The following TRERF1 variants were observed in gnomAD, a reference collection of about 807,000 sequenced individuals.
TRERF1 encodes the protein transcriptional-regulating factor 1.
Under a neutral mutation model 122.9 loss-of-function variants are expected in TRERF1, and 27 were observed. The observed-to-expected ratio is 0.22, with a 90% CI of 0.16 to 0.30. TRERF1 has a LOEUF of 0.30. Ranked by LOEUF, TRERF1 falls within the 10% of genes least tolerant of loss-of-function variation. The pLI, the probability that TRERF1 is intolerant of heterozygous loss-of-function variation, is 1.00. For synonymous variants in TRERF1, 636 were observed against 641.7 expected (o/e 0.99, Z 0.13); for missense variants, 1,248 against 1,560.3 (o/e 0.80, Z 3.37).
At chr6:42,225,433 C>T (rs996240452) in exon 18 of TRERF1, 3 of 151,980 alleles carry the variant, frequency 2.0e-5, no homozygotes, top group Admixed American at 6.6e-5. Flanking sequence ...ATACGGTCCT[C>T]TTGTTGCCAA....
chr6:42,289,968 A>G (rs1784018633), intron 4 of TRERF1, among the ~76,000 whole-genome samples: 1 of 152,178 alleles, frequency 6.6e-6, no homozygotes. Context: ...GTTCACATCT[A>G]TGAAGCGTGG....
intron 2 of TRERF1, among the ~76,000 whole-genome samples, chr6:42,400,283 A>G (rs1779198327): frequency 6.6e-6 from 1 of 152,246 alleles, no homozygotes; most frequent in African/African-American, 2.4e-5. Context: ...GTACGGCTCC[A>G]TGTGATACAA....
chr6:42,266,808 C>T (rs573492555), intron 5 of TRERF1, among the ~76,000 whole-genome samples: 3 of 152,274 alleles, frequency 2.0e-5, no homozygotes, highest in Non-Finnish European at 4.4e-5. Flanking sequence ...CAAGATGAAC[C>T]GGCCTGCAGA....
Position 42,259,187 on chromosome 6 carries a change from C to G in TRERF1, c.2269+152G>C. 9.4e-7 allele frequency: 1 copy of G among 1,059,874 alleles called. No individual in the cohort carries two copies. The highest frequency in any genetic ancestry group is 1.6e-5 in the African/African-American group (1 of 61,672). 65.7% of individuals were successfully genotyped at this position (1,059,874 alleles called of 1,614,324 possible). On this transcript the variant is annotated intron_variant, in intron 9 of 17. Coordinates refer to ENST00000372922, the Ensembl canonical transcript of TRERF1. The surrounding 1 kb of genome is among the most constrained non-coding windows in gnomAD (Gnocchi z 4.9). ...CCCTTGAGGATAAGGGCTATGTATTCCAAGTCTTTCTTAACACCCAGCAGC... is the reference window on the plus strand; with the variant it reads ...CCCTTGAGGATAAGGGCTATGTATTGCAAGTCTTTCTTAACACCCAGCAGC...
chr6:42,252,147 C>G (rs1372403150), intron 13 of TRERF1, among the ~76,000 whole-genome samples: 1 of 152,208 alleles, frequency 6.6e-6, no homozygotes, highest in Non-Finnish European at 1.5e-5. Flanking sequence ...CTCTGTGGAT[C>G]CTGTACAGGG....
intron 2 of TRERF1, among the ~76,000 whole-genome samples, chr6:42,394,280 T>C (rs919633149): frequency 6.6e-5 from 10 of 151,824 alleles, no homozygotes; most frequent in South Asian, 2.1e-4. Context: ...CATCCCTCCA[T>C]ACCATCCCCG....
chr6:42,401,598 C>T (rs531028556), intron 2 of TRERF1, among the ~76,000 whole-genome samples: 2 of 152,144 alleles, frequency 1.3e-5, no homozygotes, highest in East Asian at 3.8e-4. Context: ...CTCCATGAGA[C>T]CCCCAGGCCC....
chr6:42,388,076 T>C (rs567608180), intron 2 of TRERF1, among the ~76,000 whole-genome samples: 1 of 152,280 alleles, frequency 6.6e-6, no homozygotes, highest in African/African-American at 2.4e-5. Flanking sequence ...CATAAGCCAC[T>C]GCACCCAGCC....
intron 2 of TRERF1, among the ~76,000 whole-genome samples, chr6:42,406,771 C>T (rs1406765856): frequency 6.6e-6 from 1 of 152,090 alleles, no homozygotes; most frequent in Non-Finnish European, 1.5e-5. Context: ...CACCCCCCTC[C>T]TCCCCAGCCT....
chr6:42,288,198 T>C (rs981955484), intron 4 of TRERF1, among the ~76,000 whole-genome samples: 1 of 152,002 alleles, frequency 6.6e-6, no homozygotes, highest in Non-Finnish European at 1.5e-5. Context: ...GTGTCAGTTA[T>C]ATAGGGCTTG....
At chr6:42,312,812 C>T (rs556424714) in intron 3 of TRERF1, among the ~76,000 whole-genome samples, 2 of 152,288 alleles carry the variant, frequency 1.3e-5, no homozygotes, top group African/African-American at 4.8e-5. Flanking sequence ...CAGAGGCAGC[C>T]CCCACTCTCC....
Position 42,259,783 on chromosome 6 carries a change from C to A in TRERF1, c.1885-60G>T. ...CAGCTTCCCCCGCAGGCCATTTCCA[C>A]AGGTTCAGGGAAGGGGGCCTTCTAC... On this transcript the variant is annotated intron_variant, in intron 8 of 17. Coordinates refer to ENST00000372922, the Ensembl canonical transcript of TRERF1. This position sits in a 1 kb window ranked among gnomAD's most constrained non-coding sequence, Gnocchi z 4.9. 6.3e-7 allele frequency: 1 copy of A among 1,594,698 alleles called. No individual in the cohort carries two copies.
At chr6:42,431,603 G>A (rs1337961858) in intron 2 of TRERF1, among the ~76,000 whole-genome samples, 1 of 152,182 alleles carries the variant, frequency 6.6e-6, no homozygotes, top group Non-Finnish European at 1.5e-5. Flanking sequence ...TGGAGGAAGG[G>A]AGGGAAGAGA....
intron 1 of TRERF1, among the ~76,000 whole-genome samples, 178 bp from the exon 2 acceptor site, chr6:42,451,439 TC>T (rs1327744098): frequency 7.3e-6 from 1 of 136,070 alleles, no homozygotes; most frequent in Non-Finnish European, 1.6e-5. Context: ...AAGAGTGTGC[TC>T]CCCCACCCAG....
intron 4 of TRERF1, among the ~76,000 whole-genome samples, chr6:42,286,763 A>T (rs1783304103): frequency 7.7e-6 from 1 of 129,994 alleles, no homozygotes; most frequent in African/African-American, 2.9e-5. Context: ...AACTGGAAAT[A>T]CCATTTGACC....
At chr6:42,284,231 A>AT (rs34764742) in intron 4 of TRERF1, among the ~76,000 whole-genome samples, 5,158 of 139,624 alleles carry the variant, frequency 0.037, 169 homozygotes, top group East Asian at 0.093. Flanking sequence ...ATAATTTTTA[A>AT]TTTTTTTTTT....
At chr6:42,420,408 T>G (rs997635667) in intron 2 of TRERF1, among the ~76,000 whole-genome samples, 5 of 152,088 alleles carry the variant, frequency 3.3e-5, no homozygotes, top group African/African-American at 1.2e-4. Flanking sequence ...CCTCCCGTGG[T>G]CCACCCAGAG....
At chr6:42,386,094 G>A (rs562572027) in intron 2 of TRERF1, among the ~76,000 whole-genome samples, 8 of 152,288 alleles carry the variant, frequency 5.3e-5, no homozygotes, top group African/African-American at 1.9e-4. Flanking sequence ...GGTGGCTCAC[G>A]CCTATAATCC....
chr6:42,239,531 T>C (rs1773133457), intron 15 of TRERF1, among the ~76,000 whole-genome samples: 1 of 152,142 alleles, frequency 6.6e-6, no homozygotes. Flanking sequence ...TCTTTTCCCC[T>C]CTCAAGTCCT....
Sources: gnomAD v4.1 joint callset for allele counts (sites outside exome capture counted in the v4.1 genomes callset) on GRCh38, gnomAD v4.1.1 for gene constraint, Gnocchi (gnomAD v3.1) non-coding constraint, MANE v1.5 for transcripts, NCBI Gene and HGNC (gene_info 2026-07-23, HGNC 2026-07-21) for gene names.